The following SLIT2 variants were observed in gnomAD, a reference collection of about 807,000 sequenced individuals.
SLIT2 encodes slit homolog 2 protein.
Under a neutral mutation model 185.7 loss-of-function variants are expected in SLIT2, and 41 were observed. The observed-to-expected ratio is 0.22, with a 90% CI of 0.17 to 0.29. SLIT2 has a LOEUF of 0.29. Among genes scored for constraint, SLIT2 ranks in the 10% least tolerant of loss-of-function variants. The probability of loss-of-function intolerance (pLI) is 1.00; values close to 1 mark genes in which losing one functional copy is unlikely to be tolerated. For missense variants in SLIT2, 1,571 were observed against 1,909.0 expected (o/e 0.82, Z 3.30); for synonymous variants, 693 against 680.2 (o/e 1.02, Z -0.29).
intron 4 of SLIT2, among the ~76,000 whole-genome samples, chr4:20,357,663 G>C (rs73238750): frequency 1.3e-5 from 2 of 151,964 alleles, no homozygotes; most frequent in Non-Finnish European, 2.9e-5. Flanking sequence ...GATATAGGAT[G>C]TGAAAAGAAA....
chr4:20,388,893 T>TATATATA (rs1725169769), intron 4 of SLIT2, among the ~76,000 whole-genome samples: 1 of 145,828 alleles, frequency 6.9e-6, no homozygotes, highest in African/African-American at 2.5e-5. Context: ...TAAAACATAA[T>TATATATA]ATATATAATA....
chr4:20,585,050 A>G (rs1330231944), intron 29 of SLIT2, among the ~76,000 whole-genome samples: 2 of 152,086 alleles, frequency 1.3e-5, no homozygotes, highest in African/African-American at 2.4e-5. Context: ...GCAAGACTCT[A>G]TCTCAAAAAA....
chr4:20,517,507 A>G (rs777110461), intron 11 of SLIT2, among the ~76,000 whole-genome samples: 1 of 148,406 alleles, frequency 6.7e-6, no homozygotes, highest in Non-Finnish European at 1.5e-5. Flanking sequence ...TTCCCTTTCT[A>G]CCTTGTTCTG....
intron 4 of SLIT2, among the ~76,000 whole-genome samples, chr4:20,271,365 A>G (rs1271850658): frequency 6.8e-6 from 1 of 147,604 alleles, no homozygotes; most frequent in Non-Finnish European, 1.5e-5. Flanking sequence ...CTATAAATAT[A>G]TATTTATAGA....
chr4:20,310,134 T>A (rs1717966044), intron 4 of SLIT2, among the ~76,000 whole-genome samples: 1 of 152,108 alleles, frequency 6.6e-6, no homozygotes, highest in Non-Finnish European at 1.5e-5. Context: ...ACCATCTCCT[T>A]CTCATACATC....
intron 4 of SLIT2, among the ~76,000 whole-genome samples, chr4:20,269,915 A>G (rs2109030459): frequency 6.6e-6 from 1 of 151,906 alleles, no homozygotes; most frequent in South Asian, 2.1e-4. Flanking sequence ...AACAACCTTA[A>G]CTTACTATAG....
chr4:20,431,493 G>C (rs2109501810), intron 4 of SLIT2, among the ~76,000 whole-genome samples: 1 of 152,288 alleles, frequency 6.6e-6, no homozygotes, highest in Admixed American at 6.5e-5. Context: ...ATGGAAGTCA[G>C]ATAAATTTCA....
chr4:20,309,603 C>T (rs994419981), intron 4 of SLIT2, among the ~76,000 whole-genome samples: 10 of 152,076 alleles, frequency 6.6e-5, no homozygotes, highest in African/African-American at 1.4e-4. Context: ...TCTCCTCTCT[C>T]TAGCTAGACA....
Position 20,362,938 on chromosome 4 carries a change from A to T in SLIT2, c.395+94057A>T, listed in dbSNP as rs563832619. On this transcript the variant is annotated intron_variant, in intron 4 of 36. Transcript: ENST00000504154. ...CAAGAGGAATGAAATTTTTTTTTTT[A>T]AAAAAGGGATTTTAATGTTTAAAAA... Among the ~76,000 whole-genome samples the T allele has an allele frequency of 4.8e-3, 441 of 91,216 alleles. 1 individual carries two copies. The highest frequency in any genetic ancestry group is 6.5e-3 in the African/African-American group (199 of 30,392). 59.8% of individuals were successfully genotyped at this position (91,216 alleles called of 152,430 possible). A position where few individuals can be genotyped will look rare whatever the true frequency, so the allele number is the denominator to read the frequency against.
intron 4 of SLIT2, among the ~76,000 whole-genome samples, chr4:20,397,098 T>A (rs1725958648): frequency 6.6e-6 from 1 of 151,738 alleles, no homozygotes; most frequent in African/African-American, 2.4e-5. Flanking sequence ...AGTGATTAAT[T>A]AATTCATTTA....
chr4:20,463,448 GATATATATATATATATATATATATAT>G lies in SLIT2; in HGVS notation c.396-4285_396-4260del, dbSNP rs56256520. The stretch of plus-strand genomic sequence containing the variant: ...ACTATCTTCATTGACCTCAAACTGT[GATATATATATATATATATATATATAT>G]ATATATATATATATATATGTGTGTG... On this transcript the variant is annotated intron_variant, in intron 4 of 36. Transcript: ENST00000504154. Among the ~76,000 whole-genome samples, 36 of 67,324 alleles carry G rather than the reference GATATATATATATATATATATATATAT, an allele frequency of 5.3e-4. 3 individuals carry two copies. The highest frequency in any genetic ancestry group is 9.4e-4 in the African/African-American group (16 of 17,096). 44.2% of individuals were successfully genotyped at this position (67,324 alleles called of 152,430 possible). A position where few individuals can be genotyped will look rare whatever the true frequency, so the allele number is the denominator to read the frequency against.
intron 4 of SLIT2, among the ~76,000 whole-genome samples, chr4:20,352,000 C>T (rs1382825416): frequency 1.3e-5 from 2 of 152,182 alleles, no homozygotes; most frequent in East Asian, 1.9e-4. Flanking sequence ...AAATCATGCA[C>T]ATGCTTGAAT....
At chr4:20,502,921 C>T (rs1718870827) in intron 9 of SLIT2, among the ~76,000 whole-genome samples, 1 of 151,958 alleles carries the variant, frequency 6.6e-6, no homozygotes, top group Non-Finnish European at 1.5e-5. Flanking sequence ...GAAGGCAGGC[C>T]TAGCAGCAGA....
chr4:20,316,819 CTTTTT>C (rs751761001), intron 4 of SLIT2, among the ~76,000 whole-genome samples: 1 of 128,664 alleles, frequency 7.8e-6, no homozygotes, highest in Non-Finnish European at 1.7e-5. Flanking sequence ...AGGGCTTGAG[CTTTTT>C]TTTTTTTTTT....
intron 4 of SLIT2, among the ~76,000 whole-genome samples, chr4:20,404,501 C>T (rs915284718): frequency 2.0e-5 from 3 of 151,918 alleles, no homozygotes; most frequent in East Asian, 1.9e-4. Flanking sequence ...ATAAGGGAAG[C>T]TCTTGGAAAA....
chr4:20,576,647 G>T (rs1726107188), intron 29 of SLIT2, among the ~76,000 whole-genome samples: 1 of 152,154 alleles, frequency 6.6e-6, no homozygotes, highest in South Asian at 2.1e-4. Flanking sequence ...TTACTAGAGA[G>T]AATACTTTGG....
chr4:20,579,397 G>A (rs114807161), intron 29 of SLIT2, among the ~76,000 whole-genome samples: 8,981 of 151,812 alleles, frequency 0.059, 387 homozygotes, highest in Non-Finnish European at 0.092. Flanking sequence ...TCTCTTTGGG[G>A]TAATAATGTA....
intron 19 of SLIT2, 61 bp from the exon 20 acceptor site, chr4:20,541,392 T>TA (rs1192578121): frequency 6.8e-7 from 1 of 1,472,168 alleles, no homozygotes; most frequent in African/African-American, 1.4e-5. Context: ...AGCTGGGGTT[T>TA]AGAGAAGGAA....
At chr4:20,347,993 T>C (rs1721561637) in intron 4 of SLIT2, among the ~76,000 whole-genome samples, 1 of 152,202 alleles carries the variant, frequency 6.6e-6, no homozygotes, top group Non-Finnish European at 1.5e-5. Flanking sequence ...ACTAGTACTG[T>C]TACAATTTAA....
Sources: allele counts gnomAD v4.1 joint callset (sites outside exome capture counted in the v4.1 genomes callset), GRCh38; gene constraint gnomAD v4.1.1; transcripts MANE v1.5; gene names NCBI Gene and HGNC (gene_info 2026-07-23, HGNC 2026-07-21).